GMCL1: variants seen among roughly 807,000 people sequenced by gnomAD.
GMCL1 encodes germ cell-less protein-like 1.
In GMCL1, 54 loss-of-function variants were observed where a neutral mutation model predicts 75.5. The ratio of observed to expected loss-of-function variants is 0.71; its 90% CI spans 0.57 to 0.90. GMCL1 has a LOEUF of 0.90. GMCL1 is among the 40% of genes least tolerant of loss of function. The probability of loss-of-function intolerance (pLI) is 0.00; values close to 1 mark genes in which losing one functional copy is unlikely to be tolerated. For missense variants in GMCL1, 537 were observed against 622.7 expected, an observed-to-expected ratio of 0.86 and a Z score of 1.47; for synonymous variants, 210 against 209.6, an observed-to-expected ratio of 1.00 and a Z score of -0.02.
intron 8 of GMCL1, 95 bp from the exon 9 acceptor site, chr2:69,854,728 A>G: frequency 2.1e-6 from 2 of 935,074 alleles, no homozygotes; most frequent in Non-Finnish European, 3.2e-6. Context: ...TTTGTATTCT[A>G]ATAGACATGA....
At chr2:69,839,787 C>T (rs1032134060) in intron 3 of GMCL1, among the ~76,000 whole-genome samples, 4 of 151,808 alleles carry the variant, frequency 2.6e-5, no homozygotes, top group Admixed American at 2.0e-4. Context: ...TGTAAATATG[C>T]CCACCTGGGA....
rs1320015826 is a variant in GMCL1 at position 69,829,711 on chromosome 2, C to T, written c.-182C>T. On this transcript the variant is annotated 5_prime_UTR_variant, in exon 1 of 14. Coordinates refer to ENST00000282570, the MANE Select transcript of GMCL1 (RefSeq NM_178439.5). ...GGTGCTGCGGTGCTAGAGCGCGGCG[C>T]GACCGGACGCTGCGGGCGGGGAAGA... is the stretch of plus-strand genomic sequence containing the variant. The T allele has an allele frequency of 4.5e-6, 3 of 672,222 alleles. No individual in the cohort carries two copies. In the Admixed American group the frequency reaches 9.6e-5, roughly 21 times the overall value. 41.6% of individuals were successfully genotyped at this position (672,222 alleles called of 1,614,324 possible).
rs1477959509 is a variant in GMCL1 at position 69,880,831 on chromosome 2, G to C, written c.*1827G>C. The C allele has an allele frequency of 7.6e-6, 1 of 132,248 alleles. No homozygotes were observed. The highest frequency in any genetic ancestry group is 8.5e-5 in the Admixed American group (1 of 11,744). The allele number at this position is 132,248 out of a possible 1,614,324, so 8.2% of individuals were successfully genotyped here. ...CCATTGCACTCCAACCTAGGCGACA[G>C]AGTGAGACTCCGTCTCAAAAAAAAA... On this transcript the variant is annotated 3_prime_UTR_variant, in exon 14 of 14. Coordinates refer to ENST00000282570, the MANE Select transcript of GMCL1 (RefSeq NM_178439.5).
At chr2:69,865,026 C>A in intron 11 of GMCL1, 51 bp downstream of exon 11, 2 of 1,303,980 alleles carry the variant, frequency 1.5e-6, no homozygotes, top group Non-Finnish European at 2.2e-6. Context: ...GTATTATCAG[C>A]ACATCCTGCA....
At chr2:69,858,823 G>A (rs1232885101) in intron 9 of GMCL1, among the ~76,000 whole-genome samples, 1 of 152,100 alleles carries the variant, frequency 6.6e-6, no homozygotes, top group Admixed American at 6.6e-5. Flanking sequence ...TTTTAAAGGA[G>A]GTTATGCAAA....
chr2:69,860,673 A>G lies in GMCL1; in HGVS notation c.1073-605A>G, dbSNP rs112607738. Among the ~76,000 whole-genome samples the G allele has an allele frequency of 4.3e-3, 648 of 152,324 alleles. 5 individuals carry two copies. The highest frequency in any genetic ancestry group is 0.014 in the African/African-American group (570 of 41,574). ...TGAACTATGAAAGGGAAAACGTTAAACGCAAGAATATGCTTTTAACTATCC... is the reference window on the plus strand; with the variant it reads ...TGAACTATGAAAGGGAAAACGTTAAGCGCAAGAATATGCTTTTAACTATCC... On this transcript the variant is annotated intron_variant, in intron 9 of 13. Transcript: ENST00000282570.
intron 8 of GMCL1, among the ~76,000 whole-genome samples, chr2:69,851,171 T>A (rs1200118550): frequency 6.6e-6 from 1 of 152,256 alleles, no homozygotes; most frequent in Non-Finnish European, 1.5e-5. Flanking sequence ...GTGCCGTGGC[T>A]CATGCCTGTA....
intron 10 of GMCL1, 65 bp downstream of exon 10, chr2:69,861,412 A>G: frequency 3.1e-6 from 3 of 960,104 alleles, no homozygotes. Flanking sequence ...TAATGCATTC[A>G]TTATGTTGAA....
rs77718552 is a variant in GMCL1 at position 69,871,299 on chromosome 2, C to T, written c.1365-446C>T. On this transcript the variant is annotated intron_variant, in intron 12 of 13. Transcript: ENST00000282570. ...CAAATATTGTAAGATTCCACTCATA[C>T]GAAGTACCTAGAGTAGACAAATTCA... Among the ~76,000 whole-genome samples, 408 of 152,174 alleles carry T rather than the reference C, an allele frequency of 2.7e-3. 9 individuals are homozygous for T. The East Asian group carries it at 0.065, about 24-fold the overall frequency.
chr2:69,869,519 A>G, intron 11 of GMCL1, 200 bp from the exon 12 acceptor site: 1 of 474,634 alleles, frequency 2.1e-6, no homozygotes. Context: ...TTAGAGAATT[A>G]TGATCATTAA....
chr2:69,848,228 C>G (rs1675210747), intron 7 of GMCL1, among the ~76,000 whole-genome samples: 1 of 152,200 alleles, frequency 6.6e-6, no homozygotes, highest in African/African-American at 2.4e-5. Flanking sequence ...ATAATCCTGC[C>G]TTTACCCTTT....
intron 1 of GMCL1, among the ~76,000 whole-genome samples, chr2:69,831,274 A>G (rs1321643098): frequency 6.6e-6 from 1 of 152,230 alleles, no homozygotes; most frequent in East Asian, 1.9e-4. Flanking sequence ...CAAGTGTTAT[A>G]TATTGTAAAA....
At position 69,838,336 on chromosome 2, in the gene GMCL1, C is replaced by CAAAAAA. The variant is rs71397366; in HGVS notation, c.384+689_384+694dup. Among the ~76,000 whole-genome samples the CAAAAAA allele has an allele frequency of 8.6e-3, 271 of 31,522 alleles. 41 individuals are homozygous for CAAAAAA. Among genetic ancestry groups the CAAAAAA allele is most frequent in the African/African-American group, 0.026 (242 of 9,434 alleles). The allele number at this position is 31,522 out of a possible 152,430, so 20.7% of individuals were successfully genotyped here. A position where few individuals can be genotyped will look rare whatever the true frequency, so the allele number is the denominator to read the frequency against. On this transcript the variant is annotated intron_variant, in intron 2 of 13. Coordinates refer to ENST00000282570, the MANE Select transcript of GMCL1 (RefSeq NM_178439.5). ...TGGGCAACAGAGCGAGACTCTGTCT[C>CAAAAAA]AAAAAAAAAAAAAAAAAAAAAAAAA...
At chr2:69,874,842 A>C (rs750457651) in intron 13 of GMCL1, among the ~76,000 whole-genome samples, 65 of 151,660 alleles carry the variant, frequency 4.3e-4, no homozygotes, top group African/African-American at 1.5e-3. Flanking sequence ...CCTGGGCCCA[A>C]CCTTTCCACG....
chr2:69,843,481 A>G (rs1479965513), intron 5 of GMCL1, among the ~76,000 whole-genome samples: 1 of 152,204 alleles, frequency 6.6e-6, no homozygotes, highest in Non-Finnish European at 1.5e-5. Context: ...GGTTATATAC[A>G]TGCTTATAAA....
At chr2:69,860,158 A>AT (rs1244259966) in intron 9 of GMCL1, among the ~76,000 whole-genome samples, 3 of 151,842 alleles carry the variant, frequency 2.0e-5, no homozygotes, top group Non-Finnish European at 4.4e-5. Context: ...CACGCACCTA[A>AT]TTTTTGTGGT....
At chr2:69,833,314 G>GT (rs1239352783) in intron 1 of GMCL1, among the ~76,000 whole-genome samples, 5 of 152,252 alleles carry the variant, frequency 3.3e-5, no homozygotes, top group African/African-American at 1.2e-4. Flanking sequence ...GATGCAGGGT[G>GT]TAAGAAAATA....
At chr2:69,873,568 G>T (rs570140637) in intron 13 of GMCL1, 1 of 152,498 alleles carries the variant, frequency 6.6e-6, no homozygotes, top group African/African-American at 2.4e-5. Flanking sequence ...CAACTTAGAT[G>T]ATCCCAATTT....
chr2:69,837,561 G>T lies in GMCL1; in HGVS notation c.275G>T (p.Ser92Ile). The change falls in exon 2 of 14, where the codon AGT becomes ATT. Residue 92 changes from serine to isoleucine, a missense_variant. Physicochemically the swap from Ser to Ile is moderately radical, Grantham distance 142. Around this residue, in one of 3 missense-constraint regions of GMCL1, gnomAD observed 144 missense variants for 127.2 expected, o/e 1.13. Coordinates refer to ENST00000282570, the MANE Select transcript of GMCL1 (RefSeq NM_178439.5). ...LNTPRRKKLK[S>I]TSKYIYQTLF... is the part of the protein sequence containing the mutation. Reference sequence around the variant, plus strand: ...TCTTTTAACAGGAAAAAATTAAAGAGTACATCTAAATATATTTATCAAACA... The same window carrying T: ...TCTTTTAACAGGAAAAAATTAAAGATTACATCTAAATATATTTATCAAACA... 6.4e-7 allele frequency: 1 copy of T among 1,563,370 alleles called. No individual in the cohort carries two copies. Among genetic ancestry groups the T allele is most frequent in the Non-Finnish European group, 8.7e-7 (1 of 1,154,460 alleles).
Sources: allele counts gnomAD v4.1 joint callset (sites outside exome capture counted in the v4.1 genomes callset), GRCh38; gene constraint gnomAD v4.1.1; regional missense constraint gnomAD v4.1.1; transcripts MANE v1.5; gene names NCBI Gene and HGNC (gene_info 2026-07-23, HGNC 2026-07-21).